Variants in PEMT observed in about 807,000 individuals in gnomAD.
PEMT encodes phosphatidylethanolamine N-methyltransferase.
In PEMT, 23 loss-of-function variants were observed where a neutral mutation model predicts 27.4. The ratio of observed to expected loss-of-function variants is 0.84; its 90% CI spans 0.60 to 1.19. The LOEUF is 1.19. PEMT is among the 50% of genes most tolerant of loss of function. The probability of loss-of-function intolerance (pLI) is 0.00; values close to 1 mark genes in which losing one functional copy is unlikely to be tolerated. For missense variants in PEMT, 307 were observed against 310.1 expected, an observed-to-expected ratio of 0.99 and a Z score of 0.07; for synonymous variants, 137 against 139.1, an observed-to-expected ratio of 0.98 and a Z score of 0.11.
chr17:17,539,183 G>T (rs2142591781), intron 2 of PEMT, among the ~76,000 whole-genome samples: 1 of 152,266 alleles, frequency 6.6e-6, no homozygotes, highest in South Asian at 2.1e-4. Flanking sequence ...GTCTCGCTAT[G>T]TTGCCCAGGC....
intron 3 of PEMT, among the ~76,000 whole-genome samples, chr17:17,520,260 G>A (rs1054784033): frequency 2.6e-5 from 4 of 152,296 alleles, no homozygotes; most frequent in South Asian, 2.1e-4. Context: ...ACACTCTGCC[G>A]GTGGCCCAAG....
intron 2 of PEMT, among the ~76,000 whole-genome samples, chr17:17,532,782 C>G (rs1908191256): frequency 6.6e-6 from 1 of 152,242 alleles, no homozygotes; most frequent in Admixed American, 6.5e-5. Flanking sequence ...AATCCCAGCA[C>G]TTTGGGAGGC....
chr17:17,535,052 A>C (rs900547535), intron 2 of PEMT, among the ~76,000 whole-genome samples: 1 of 151,922 alleles, frequency 6.6e-6, no homozygotes, highest in African/African-American at 2.4e-5. Flanking sequence ...CTGCGATTAC[A>C]GGTGTGCGCC....
chr17:17,574,767 T>C (rs1298601171), intron 2 of PEMT, among the ~76,000 whole-genome samples: 2 of 152,216 alleles, frequency 1.3e-5, no homozygotes, highest in African/African-American at 4.8e-5. Context: ...CCTCAGGACC[T>C]GCTATGCATT....
At chr17:17,556,868 G>A (rs747288041) in intron 2 of PEMT, among the ~76,000 whole-genome samples, 9 of 152,276 alleles carry the variant, frequency 5.9e-5, no homozygotes, top group South Asian at 4.1e-4. Context: ...TGCAGATGTC[G>A]TGGCTCCCGC....
At chr17:17,541,200 A>T (rs1234037672) in intron 2 of PEMT, among the ~76,000 whole-genome samples, 2 of 152,194 alleles carry the variant, frequency 1.3e-5, no homozygotes, top group African/African-American at 4.8e-5. Flanking sequence ...CAGGCCCAAG[A>T]CTGGGCATTA....
intron 3 of PEMT, among the ~76,000 whole-genome samples, chr17:17,520,565 C>A (rs1907188580): frequency 1.3e-5 from 2 of 152,244 alleles, no homozygotes; most frequent in African/African-American, 4.8e-5. Context: ...GGCCGGAGAG[C>A]CTAGAAGATT....
At chr17:17,532,318 A>T (rs1180023688) in intron 2 of PEMT, among the ~76,000 whole-genome samples, 3 of 152,228 alleles carry the variant, frequency 2.0e-5, no homozygotes, top group Non-Finnish European at 4.4e-5. Context: ...CACTAAAAAA[A>T]TTTCAAGCTA....
chr17:17,520,732 A>T (rs1907202054), intron 3 of PEMT, among the ~76,000 whole-genome samples: 1 of 152,222 alleles, frequency 6.6e-6, no homozygotes, highest in Non-Finnish European at 1.5e-5. Context: ...GAGGACCAAG[A>T]CCGTGGGATA....
At chr17:17,590,421 G>GCAGATA (rs911909300) in intron 1 of PEMT, among the ~76,000 whole-genome samples, 5 of 152,080 alleles carry the variant, frequency 3.3e-5, no homozygotes, top group African/African-American at 9.7e-5. Flanking sequence ...TCCCTCCCTC[G>GCAGATA]CAGATACGGC....
rs769462065 is a variant in PEMT at position 17,505,860 on chromosome 17, C to T, written c.654-12G>A. On this transcript the variant is annotated splice_polypyrimidine_tract_variant and intron_variant, in intron 6 of 6. Transcript: ENST00000255389. ...CAGCGGTGAAGGGCCTGCCGGGCAG[C>T]GGGGAGAGGCTTCGGTCAGCAGGTC... is the stretch of plus-strand genomic sequence containing the variant. 216 of 1,605,988 alleles carry T rather than the reference C, an allele frequency of 1.3e-4. No homozygotes were observed. The highest frequency in any genetic ancestry group is 1.7e-4 in the Non-Finnish European group (203 of 1,175,902).
chr17:17,530,193 G>A (rs920508067), intron 2 of PEMT, among the ~76,000 whole-genome samples: 3 of 152,174 alleles, frequency 2.0e-5, no homozygotes, highest in African/African-American at 4.8e-5. Context: ...TAAATGTTTT[G>A]CATAATTAAG....
At chr17:17,558,125 G>A (rs1910196963) in intron 2 of PEMT, among the ~76,000 whole-genome samples, 1 of 152,054 alleles carries the variant, frequency 6.6e-6, no homozygotes, top group South Asian at 2.1e-4. Flanking sequence ...CAGAATCGCT[G>A]GAGCCCAGGA....
intron 2 of PEMT, among the ~76,000 whole-genome samples, chr17:17,548,226 C>T (rs967043611): frequency 6.6e-6 from 1 of 152,258 alleles, no homozygotes; most frequent in African/African-American, 2.4e-5. Context: ...GCCCTGCTGG[C>T]GTCCAGCCTG....
At chr17:17,554,354 T>A (rs113499468) in intron 2 of PEMT, among the ~76,000 whole-genome samples, 2,268 of 152,266 alleles carry the variant, frequency 0.015, 50 homozygotes, top group African/African-American at 0.048. Flanking sequence ...CCCCCTCCCA[T>A]GTCCTACTCT....
At chr17:17,590,497 T>C (rs1406880266) in intron 1 of PEMT, among the ~76,000 whole-genome samples, 8 of 151,570 alleles carry the variant, frequency 5.3e-5, no homozygotes, top group Non-Finnish European at 1.0e-4. Context: ...CTAACTGGTA[T>C]TAGCTCCTTC....
At chr17:17,583,324 C>T (rs940700620) in intron 1 of PEMT, among the ~76,000 whole-genome samples, 34 of 151,970 alleles carry the variant, frequency 2.2e-4, no homozygotes, top group African/African-American at 6.8e-4. Flanking sequence ...TGCAGTGAGC[C>T]GAGATCACGC....
chr17:17,524,686 G>C (rs892547026), intron 2 of PEMT, among the ~76,000 whole-genome samples: 6 of 151,938 alleles, frequency 3.9e-5, no homozygotes, highest in African/African-American at 1.4e-4. Flanking sequence ...AAGCCAAGAT[G>C]GCACACCACT....
intron 2 of PEMT, among the ~76,000 whole-genome samples, chr17:17,552,464 A>T (rs58810148): frequency 0.06 from 9,116 of 152,238 alleles, 381 homozygotes; most frequent in East Asian, 0.14. Context: ...CGTCCCTCCC[A>T]TCCCTGACCC....
Sources: gnomAD v4.1 joint callset for allele counts (sites outside exome capture counted in the v4.1 genomes callset) on GRCh38, gnomAD v4.1.1 for gene constraint, MANE v1.5 for transcripts, NCBI Gene and HGNC (gene_info 2026-07-23, HGNC 2026-07-21) for gene names.